Variants in HDGFL2 observed in about 807,000 individuals in gnomAD.
HDGFL2 encodes HDGF like 2.
Under a neutral mutation model 77.1 loss-of-function variants are expected in HDGFL2, and 36 were observed. That is an observed-to-expected ratio of 0.47 (90% CI 0.36 to 0.62). The LOEUF (loss-of-function observed/expected upper bound fraction) is 0.62. Among genes scored for constraint, HDGFL2 ranks in the 20% least tolerant of loss-of-function variants. The pLI, the probability that HDGFL2 is intolerant of heterozygous loss-of-function variation, is 0.00. For missense variants in HDGFL2, 976 were observed against 973.4 expected (o/e 1.00, Z -0.04); for synonymous variants, 463 against 413.1 (o/e 1.12, Z -1.46).
rs975498997 is a variant in HDGFL2, at chr19:4,487,131, A to AT, written c.289-1537dup. Among the ~76,000 whole-genome samples, 65 of 151,396 alleles carry AT rather than the reference A, an allele frequency of 4.3e-4. No individual in the cohort carries two copies. The East Asian group carries it at 0.011, about 25-fold the overall frequency. On this transcript the variant is annotated intron_variant, in intron 3 of 15. Transcript: ENST00000616600. Reference sequence around the variant, plus strand: ...AGGCGCCCGCCACCACGCCTGGCTAATTTTTTTTGTATTTTTAGTAGAGAC... The same window carrying AT: ...AGGCGCCCGCCACCACGCCTGGCTAATTTTTTTTTGTATTTTTAGTAGAGAC...
At chr19:4,473,169 G>A (rs1272444197) in intron 1 of HDGFL2, among the ~76,000 whole-genome samples, 2 of 148,830 alleles carry the variant, frequency 1.3e-5, no homozygotes, top group Admixed American at 6.7e-5. Flanking sequence ...CACTCTGGGG[G>A]AATGGCGGTC....
intron 13 of HDGFL2, 72 bp downstream of exon 13, chr19:4,498,987 G>A: frequency 9.2e-7 from 1 of 1,091,054 alleles, no homozygotes; most frequent in Non-Finnish European, 1.4e-6. Flanking sequence ...CGGGAGCCCA[G>A]GCCCCCAGCA....
chr19:4,489,245 G>A (rs74447174), intron 4 of HDGFL2, among the ~76,000 whole-genome samples: 15,012 of 138,788 alleles, frequency 0.11, 930 homozygotes, highest in South Asian at 0.22. Flanking sequence ...GAGCCACTGC[G>A]CCTGGCCACC....
At chr19:4,483,336 T>A (rs1033888375) in intron 3 of HDGFL2, among the ~76,000 whole-genome samples, 7 of 152,136 alleles carry the variant, frequency 4.6e-5, no homozygotes, top group Non-Finnish European at 8.8e-5. Flanking sequence ...TGCTGTGGGC[T>A]CCCAGCCTCT....
chr19:4,499,409 C>A, intron 13 of HDGFL2, 82 bp from the exon 14 acceptor site: 2 of 1,246,252 alleles, frequency 1.6e-6, no homozygotes, highest in Non-Finnish European at 2.2e-6. Context: ...GCGGGAGGGG[C>A]GCATTGCTGG....
chr19:4,492,716 TGTG>T (rs1975552655), intron 6 of HDGFL2, among the ~76,000 whole-genome samples: 1 of 146,720 alleles, frequency 6.8e-6, no homozygotes, highest in Non-Finnish European at 1.5e-5. Flanking sequence ...CTGTGTGTGG[TGTG>T]TGGTGTGTGT....
At chr19:4,499,014 G>C (rs945411286) in intron 13 of HDGFL2, 99 bp downstream of exon 13, 62 of 827,182 alleles carry the variant, frequency 7.5e-5, no homozygotes, top group Admixed American at 1.4e-4. Context: ...TGTCGGGACA[G>C]CCCTGGGTCA....
At chr19:4,486,349 G>A (rs2145179300) in intron 3 of HDGFL2, 1 of 152,102 alleles carries the variant, frequency 6.6e-6, no homozygotes, top group Non-Finnish European at 1.5e-5. Context: ...TGGGCACATA[G>A]CAGGTGTGTC....
chr19:4,493,083 GTGT>G (rs1453302427), intron 6 of HDGFL2, among the ~76,000 whole-genome samples: 19 of 33,830 alleles, frequency 5.6e-4, no homozygotes, highest in Non-Finnish European at 9.8e-4. Context: ...TGGTGTGTGT[GTGT>G]TATCTGTGTG....
intron 6 of HDGFL2, among the ~76,000 whole-genome samples, chr19:4,492,218 C>T (rs765858501): frequency 4.0e-5 from 6 of 151,772 alleles, no homozygotes; most frequent in African/African-American, 9.7e-5. Context: ...CGTGTGTCGA[C>T]GTGCATGTGT....
Position 4,501,213 on chromosome 19 carries a change from C to T in HDGFL2, c.1812C>T (p.Gly604=), listed in dbSNP as rs140511032. Residue 604 remains glycine, a synonymous_variant, in exon 15 of 16, where the codon GGC becomes GGT. Coordinates refer to ENST00000616600, the MANE Select transcript of HDGFL2 (RefSeq NM_001001520.3). The part of the protein sequence containing the change: ...PSTDLSAPVN[G]EATSQKGESA... ...CAGATCTCTCAGCCCCAGTGAATGG[C>T]GAGGCCACATCACAGAAGGGGGAGA... is the stretch of plus-strand genomic sequence containing the variant. 358 of 1,613,484 alleles carry T rather than the reference C, an allele frequency of 2.2e-4. 2 individuals are homozygous for T. In the African/African-American group the frequency reaches 3.5e-3, roughly 16 times the overall value.
chr19:4,498,477 C>A, intron 12 of HDGFL2, 101 bp downstream of exon 12: 1 of 943,248 alleles, frequency 1.1e-6, no homozygotes, highest in Non-Finnish European at 1.7e-6. Context: ...CGGGGTCCTG[C>A]AGTTGGGTGG....
chr19:4,488,498 C>T (rs1011104802), intron 3 of HDGFL2, among the ~76,000 whole-genome samples, 178 bp from the exon 4 acceptor site: 4 of 152,216 alleles, frequency 2.6e-5, no homozygotes, highest in African/African-American at 9.6e-5. Context: ...CCATCTCACT[C>T]TCCTGCCTTC....
chr19:4,483,947 G>A (rs1054779893), intron 3 of HDGFL2, among the ~76,000 whole-genome samples: 1 of 151,658 alleles, frequency 6.6e-6, no homozygotes, highest in Non-Finnish European at 1.5e-5. Flanking sequence ...CTGCCACCAC[G>A]CCCAGCTAAT....
At chr19:4,495,036 A>G (rs532916649) in intron 9 of HDGFL2, among the ~76,000 whole-genome samples, 1 of 152,252 alleles carries the variant, frequency 6.6e-6, no homozygotes, top group Non-Finnish European at 1.5e-5. Context: ...TCTTTTAAAT[A>G]GAGTAGACCC....
chr19:4,490,134 C>G (rs1431307694), intron 4 of HDGFL2, among the ~76,000 whole-genome samples: 1 of 152,220 alleles, frequency 6.6e-6, no homozygotes, highest in Non-Finnish European at 1.5e-5. Context: ...GTCGCCCAGG[C>G]TGGAGTGCAA....
rs1599696182 is a variant in HDGFL2, at chr19:4,475,265, C to G, written c.73-10C>G. 2 of 1,613,654 alleles carry G rather than the reference C, an allele frequency of 1.2e-6. No homozygotes were observed. Among genetic ancestry groups the G allele is most frequent in the African/African-American group, 2.7e-5 (2 of 74,898 alleles). On this transcript the variant is annotated splice_polypyrimidine_tract_variant and intron_variant, in intron 1 of 15. Transcript: ENST00000616600. ...GGTAAAGCCACCCCCTCACTGGCCT[C>G]TCACTGCAGATCGACGACATCGCGG...
At chr19:4,496,898 T>C (rs1050601858) in intron 10 of HDGFL2, 2 of 407,644 alleles carry the variant, frequency 4.9e-6, no homozygotes, top group Admixed American at 2.8e-5. Flanking sequence ...GATGGAGTCT[T>C]GTTCTTGCTC....
At position 4,472,297 on chromosome 19, in the gene HDGFL2, A is replaced by AGCCGCTACCGCCGCT. The variant is rs1599692510; in HGVS notation, c.-51_-37dup. 5 of 1,348,116 alleles carry AGCCGCTACCGCCGCT rather than the reference A, an allele frequency of 3.7e-6. No individual in the cohort carries two copies. The East Asian group carries it at 1.5e-4, about 41-fold the overall frequency. 83.5% of individuals were successfully genotyped at this position (1,348,116 alleles called of 1,614,324 possible). A position where few individuals can be genotyped will look rare whatever the true frequency, so the allele number is the denominator to read the frequency against. ...CCGCTGCCGCCGCCGCCGCCGCCGC[A>AGCCGCTACCGCCGCT]GCCGCTACCGCCGCTGCAGCCGCTT... On this transcript the variant is annotated 5_prime_UTR_variant, in exon 1 of 16. Transcript: ENST00000616600.
Sources: gnomAD v4.1 joint callset for allele counts (sites outside exome capture counted in the v4.1 genomes callset) on GRCh38, gnomAD v4.1.1 for gene constraint, MANE v1.5 for transcripts, NCBI Gene and HGNC (gene_info 2026-07-23, HGNC 2026-07-21) for gene names.